ROBO2: variants seen among roughly 807,000 people sequenced by gnomAD.
The protein encoded by ROBO2 is roundabout homolog 2.
ROBO2 carries 53 observed loss-of-function variants against 160.8 expected under a neutral mutation model. That is an observed-to-expected ratio of 0.33 (90% CI 0.26 to 0.41). The LOEUF (loss-of-function observed/expected upper bound fraction) is 0.41, where lower values mean the gene tolerates loss of function less well. ROBO2 is among the 10% of genes least tolerant of loss of function. ROBO2 has a pLI of 1.00. For synonymous variants in ROBO2, 664 were observed against 611.7 expected (o/e 1.09, Z -1.26); for missense variants, 1,577 against 1,722.4 (o/e 0.92, Z 1.49).
intron 2 of ROBO2, among the ~76,000 whole-genome samples, chr3:76,518,947 T>C (rs916080094): frequency 3.3e-5 from 5 of 152,152 alleles, no homozygotes; most frequent in African/African-American, 1.2e-4. Flanking sequence ...CTCATCATAA[T>C]ACCCAATAGA....
At chr3:77,388,837 C>T (rs2074403979) in intron 2 of ROBO2, among the ~76,000 whole-genome samples, 1 of 152,122 alleles carries the variant, frequency 6.6e-6, no homozygotes. Context: ...AGCCATGTCT[C>T]TAAAGACAAT....
chr3:76,209,645 G>C (rs944951089), intron 2 of ROBO2, among the ~76,000 whole-genome samples: 1 of 152,074 alleles, frequency 6.6e-6, no homozygotes, highest in African/African-American at 2.4e-5. Flanking sequence ...TTTAAAGAGA[G>C]TTGACATCAA....
chr3:76,700,033 C>A (rs1168397061), intron 2 of ROBO2, among the ~76,000 whole-genome samples: 1 of 152,008 alleles, frequency 6.6e-6, no homozygotes, highest in Non-Finnish European at 1.5e-5. Context: ...AACCCATGGG[C>A]CTTGGGCACC....
intron 2 of ROBO2, among the ~76,000 whole-genome samples, chr3:76,452,438 C>T (rs2077525477): frequency 6.6e-6 from 1 of 151,846 alleles, no homozygotes; most frequent in Admixed American, 6.6e-5. Context: ...GTTTTTTTGT[C>T]CTTGCAATAG....
chr3:77,294,238 C>G lies in ROBO2; in HGVS notation c.389-183176C>G, dbSNP rs1397164145. ...TAAGCTGAGACTAGATCACCCCGGA[C>G]ATAAAGTAAAATTGATGGTTAAACG... On this transcript the variant is annotated intron_variant, in intron 2 of 25. Coordinates refer to ENST00000461745, the Ensembl canonical transcript of ROBO2. 3.6e-5 allele frequency among the ~76,000 whole-genome samples: 5 copies of G among 138,972 alleles called. 1 individual carries two copies. Among genetic ancestry groups the G allele is most frequent in the Admixed American group, 7.9e-5 (1 of 12,726 alleles). The allele number at this position is 138,972 out of a possible 152,430, so 91.2% of individuals were successfully genotyped here.
intron 2 of ROBO2, among the ~76,000 whole-genome samples, chr3:76,845,784 A>C (rs2068723228): frequency 6.6e-6 from 1 of 151,964 alleles, no homozygotes. Context: ...TCCCTCTTGA[A>C]TTTCATCATA....
At chr3:77,394,685 A>G (rs1204577624) in intron 2 of ROBO2, among the ~76,000 whole-genome samples, 2 of 152,158 alleles carry the variant, frequency 1.3e-5, no homozygotes, top group East Asian at 3.9e-4. Context: ...ATAACAGTAA[A>G]CAAGTCTTTA....
At chr3:77,445,123 A>G (rs566435018) in intron 2 of ROBO2, among the ~76,000 whole-genome samples, 78 of 152,236 alleles carry the variant, frequency 5.1e-4, no homozygotes, top group African/African-American at 1.8e-3. Flanking sequence ...GAGCCTTTTT[A>G]GGGACTTAGA....
intron 2 of ROBO2, among the ~76,000 whole-genome samples, chr3:76,825,106 A>G (rs971093000): frequency 1.3e-5 from 2 of 152,116 alleles, no homozygotes; most frequent in African/African-American, 4.8e-5. Context: ...ATTATAAATC[A>G]CACCAGAACG....
At chr3:76,964,679 G>A (rs962427882) in intron 2 of ROBO2, among the ~76,000 whole-genome samples, 1 of 152,156 alleles carries the variant, frequency 6.6e-6, no homozygotes, top group African/African-American at 2.4e-5. Flanking sequence ...TTCAACAACT[G>A]ATATAGGTCA....
At chr3:77,571,036 G>T (rs1200318643) in intron 13 of ROBO2, among the ~76,000 whole-genome samples, 1 of 151,964 alleles carries the variant, frequency 6.6e-6, no homozygotes, top group Non-Finnish European at 1.5e-5. Context: ...AAGAAAAATA[G>T]CAATAAGTCA....
intron 2 of ROBO2, among the ~76,000 whole-genome samples, chr3:76,200,246 A>G (rs1702459515): frequency 6.6e-6 from 1 of 152,154 alleles, no homozygotes; most frequent in Non-Finnish European, 1.5e-5. Flanking sequence ...CTGGGGAAGG[A>G]GCAAGGTGAC....
intron 2 of ROBO2, among the ~76,000 whole-genome samples, chr3:76,742,573 T>A (rs34512231): frequency 0.33 from 49,964 of 151,954 alleles, 9,602 homozygotes; most frequent in Non-Finnish European, 0.43. Context: ...AGATTTTTTT[T>A]AAAATGTGAA....
intron 2 of ROBO2, among the ~76,000 whole-genome samples, chr3:76,124,634 A>G (rs2070894046): frequency 6.6e-6 from 1 of 152,122 alleles, no homozygotes; most frequent in African/African-American, 2.4e-5. Flanking sequence ...CATAAGTGTC[A>G]GCTGGACTTC....
chr3:76,942,118 C>G (rs1425110883), intron 2 of ROBO2, among the ~76,000 whole-genome samples: 3 of 152,104 alleles, frequency 2.0e-5, no homozygotes, highest in African/African-American at 7.2e-5. Context: ...TGAAGAATTT[C>G]TTAGATTATT....
chr3:77,472,076 CGTAT>C (rs2083411331), intron 2 of ROBO2, among the ~76,000 whole-genome samples: 2 of 151,920 alleles, frequency 1.3e-5, no homozygotes, highest in Non-Finnish European at 2.9e-5. Flanking sequence ...TCTGAAGTGG[CGTAT>C]TTTGGGGTAT....
At chr3:76,863,723 A>G (rs2071065937) in intron 2 of ROBO2, among the ~76,000 whole-genome samples, 1 of 152,088 alleles carries the variant, frequency 6.6e-6, no homozygotes, top group Non-Finnish European at 1.5e-5. Flanking sequence ...ATTGCTAGCC[A>G]TATGAAATTA....
chr3:77,179,428 A>C (rs2080481331), intron 2 of ROBO2, among the ~76,000 whole-genome samples: 2 of 152,034 alleles, frequency 1.3e-5, no homozygotes, highest in Middle Eastern at 3.4e-3. Flanking sequence ...ATGTGCATGA[A>C]TACATACATA....
chr3:77,234,467 G>A (rs1039860932), intron 2 of ROBO2, among the ~76,000 whole-genome samples: 3 of 151,632 alleles, frequency 2.0e-5, no homozygotes, highest in South Asian at 2.1e-4. Context: ...ATGTAAATGT[G>A]GACAGAAAAG....
Sources: allele counts gnomAD v4.1 joint callset (sites outside exome capture counted in the v4.1 genomes callset), GRCh38; gene constraint gnomAD v4.1.1; transcripts MANE v1.5; gene names NCBI Gene and HGNC (gene_info 2026-07-23, HGNC 2026-07-21).